The following NXPE2 variants were observed in gnomAD, a reference collection of about 807,000 sequenced individuals.
NXPE2 encodes NXPE family member 2.
NXPE2 carries 34 observed loss-of-function variants against 34.4 expected under a neutral mutation model. That is an observed-to-expected ratio of 0.99 (90% CI 0.75 to 1.31). The LOEUF is 1.31. Ranked by LOEUF, NXPE2 falls within the 40% of genes most tolerant of loss-of-function variation. NXPE2 has a pLI of 0.00. For missense variants in NXPE2, 649 were observed against 672.5 expected (o/e 0.97, Z 0.39); for synonymous variants, 235 against 231.3 (o/e 1.02, Z -0.15).
At chr11:114,774,874 T>A in the NXPE2 span, among the ~76,000 whole-genome samples, 1 of 152,232 alleles carries the variant, frequency 6.6e-6, no homozygotes, top group East Asian at 1.9e-4. Flanking sequence ...ACCTTGACTG[T>A]GTCTATGAGG....
chr11:114,772,319 A>T, the NXPE2 span, among the ~76,000 whole-genome samples: 1 of 152,154 alleles, frequency 6.6e-6, no homozygotes, highest in African/African-American at 2.4e-5. Flanking sequence ...ACAGACTCTG[A>T]TTGGAGCTTC....
At chr11:114,580,312 A>G in the NXPE2 span, 1 of 1,614,006 alleles carries the variant, frequency 6.2e-7, no homozygotes, top group Non-Finnish European at 8.5e-7. Context: ...CCAAACTTGC[A>G]TTTCTCTTTC....
chr11:114,527,636 C>CTCCTTTTGGATATA, the NXPE2 span, among the ~76,000 whole-genome samples: 1 of 152,182 alleles, frequency 6.6e-6, no homozygotes, highest in Admixed American at 6.5e-5. Context: ...CTAATACTTT[C>CTCCTTTTGGATATA]TCCTTTTGGA....
At chr11:114,640,223 A>G in the NXPE2 span, among the ~76,000 whole-genome samples, 1 of 140,772 alleles carries the variant, frequency 7.1e-6, no homozygotes, top group African/African-American at 2.6e-5. Flanking sequence ...AATGTAATTT[A>G]TATATATAAA....
chr11:114,791,720 A>G, the NXPE2 span, among the ~76,000 whole-genome samples: 1 of 152,246 alleles, frequency 6.6e-6, no homozygotes, highest in Non-Finnish European at 1.5e-5. Flanking sequence ...GAGAAACAGC[A>G]GTGGGAGAAG....
the NXPE2 span, among the ~76,000 whole-genome samples, chr11:114,545,344 C>G: frequency 6.6e-6 from 1 of 152,092 alleles, no homozygotes; most frequent in Admixed American, 6.5e-5. Flanking sequence ...TATAGATAAA[C>G]AAATTGTAGT....
At chr11:114,770,513 A>G in the NXPE2 span, among the ~76,000 whole-genome samples, 2 of 152,244 alleles carry the variant, frequency 1.3e-5, no homozygotes, top group Non-Finnish European at 2.9e-5. Flanking sequence ...CGCATTTAGC[A>G]CATACGTAAA....
At chr11:114,798,761 CT>C in the NXPE2 span, among the ~76,000 whole-genome samples, 2 of 152,282 alleles carry the variant, frequency 1.3e-5, no homozygotes, top group South Asian at 2.1e-4. Context: ...CAGTTTGCCC[CT>C]GTCTCTAAGT....
the NXPE2 span, among the ~76,000 whole-genome samples, chr11:114,639,863 ATTTT>A: frequency 4.8e-3 from 284 of 59,758 alleles, 2 homozygotes; most frequent in East Asian, 0.02. Flanking sequence ...TATATATTAT[ATTTT>A]ATATTAAATA....
chr11:114,465,924 C>T, the NXPE2 span, among the ~76,000 whole-genome samples: 7 of 152,152 alleles, frequency 4.6e-5, no homozygotes, highest in Non-Finnish European at 8.8e-5. Flanking sequence ...CAAAATGTTT[C>T]CCTCTACATC....
At chr11:114,494,909 C>T in the NXPE2 span, among the ~76,000 whole-genome samples, 1 of 152,178 alleles carries the variant, frequency 6.6e-6, no homozygotes, top group Non-Finnish European at 1.5e-5. Context: ...TCACTGCAAC[C>T]ATACTGGCTT....
the NXPE2 span, among the ~76,000 whole-genome samples, chr11:114,496,176 G>T: frequency 2.0e-5 from 3 of 152,154 alleles, no homozygotes; most frequent in African/African-American, 4.8e-5. Flanking sequence ...GGTGGGTCTT[G>T]CTGGAACTCA....
chr11:114,582,372 A>G, the NXPE2 span: 1,664 of 1,614,130 alleles, frequency 1.0e-3, 13 homozygotes, highest in African/African-American at 0.016. Flanking sequence ...AGCACAGGGC[A>G]TGTGTTGAGG....
chr11:114,525,635 G>T, the NXPE2 span, among the ~76,000 whole-genome samples: 1 of 152,270 alleles, frequency 6.6e-6, no homozygotes, highest in East Asian at 1.9e-4. Flanking sequence ...CTTCTGTGCA[G>T]CACAGTGAAG....
At chr11:114,549,308 G>T in the NXPE2 span, among the ~76,000 whole-genome samples, 2 of 151,858 alleles carry the variant, frequency 1.3e-5, no homozygotes, top group Non-Finnish European at 1.5e-5. Flanking sequence ...ACCTAATATT[G>T]TACCAAGAAC....
chr11:114,645,204 G>A, the NXPE2 span, among the ~76,000 whole-genome samples: 1 of 152,062 alleles, frequency 6.6e-6, no homozygotes, highest in African/African-American at 2.4e-5. Context: ...CAGAGGCTGA[G>A]GCAGGAGAAT....
the NXPE2 span, among the ~76,000 whole-genome samples, chr11:114,800,462 AT>A: frequency 6.6e-6 from 1 of 151,814 alleles, no homozygotes; most frequent in East Asian, 1.9e-4. Context: ...TGTTAAACTG[AT>A]TTTTTTTGCT....
chr11:114,805,465 T>A, the NXPE2 span, among the ~76,000 whole-genome samples: 1 of 152,204 alleles, frequency 6.6e-6, no homozygotes, highest in African/African-American at 2.4e-5. Context: ...AGACACCACC[T>A]GGAAAATCGG....
At chr11:114,705,279 G>A (rs977560848) in intron 4 of NXPE2, among the ~76,000 whole-genome samples, 20 of 152,190 alleles carry the variant, frequency 1.3e-4, no homozygotes, top group Admixed American at 5.2e-4. Context: ...TTTAAAAAAA[G>A]TATTAGCCAG....
Sources: allele counts gnomAD v4.1 joint callset (sites outside exome capture counted in the v4.1 genomes callset), GRCh38; gene constraint gnomAD v4.1.1; transcripts MANE v1.5; gene names NCBI Gene and HGNC (gene_info 2026-07-23, HGNC 2026-07-21).